The following ZBTB34 variants were observed in gnomAD, a reference collection of about 807,000 sequenced individuals.
ZBTB34 encodes zinc finger and BTB domain-containing protein 34.
A neutral mutation model predicts 33.4 loss-of-function variants in ZBTB34; 1 was observed. That is an observed-to-expected ratio of 0.03 (90% CI 0.01 to 0.14). The LOEUF (loss-of-function observed/expected upper bound fraction) is 0.14. ZBTB34 is among the 10% of genes least tolerant of loss of function. ZBTB34 has a pLI of 1.00. For missense variants in ZBTB34, 406 were observed against 657.2 expected (o/e 0.62, Z 4.18); for synonymous variants, 283 against 253.5 (o/e 1.12, Z -1.11).
intron 1 of ZBTB34, among the ~76,000 whole-genome samples, chr9:126,868,004 C>T (rs897641468): frequency 3.9e-5 from 6 of 152,264 alleles, no homozygotes; most frequent in African/African-American, 1.2e-4. Context: ...CTTTTACTAA[C>T]TCAGTGAGGG....
intron 1 of ZBTB34, among the ~76,000 whole-genome samples, chr9:126,864,296 C>T (rs747179003): frequency 5.9e-5 from 9 of 152,180 alleles, no homozygotes; most frequent in Non-Finnish European, 1.3e-4. Flanking sequence ...TAACTGCAGC[C>T]TCTTAGTGTC....
At chr9:126,870,758 C>G (rs1450809086) in intron 1 of ZBTB34, among the ~76,000 whole-genome samples, 1 of 152,150 alleles carries the variant, frequency 6.6e-6, no homozygotes, top group Non-Finnish European at 1.5e-5. Flanking sequence ...GAAACCCCGT[C>G]TCTACTAAAA....
intron 1 of ZBTB34, among the ~76,000 whole-genome samples, chr9:126,866,462 C>T (rs770794202): frequency 3.3e-4 from 51 of 152,336 alleles, no homozygotes; most frequent in African/African-American, 9.4e-4. Context: ...CTACCCCAGA[C>T]GCTGTTTGCA....
rs150377888 is a variant in ZBTB34, at chr9:126,879,142, TA to T, written c.-10-244del. Among the ~76,000 whole-genome samples, 999 of 152,330 alleles carry T rather than the reference TA, an allele frequency of 6.6e-3. 14 individuals carry two copies. The highest frequency in any genetic ancestry group is 0.023 in the African/African-American group (953 of 41,574). ...AGAGCCAAAATAGTCCTACTATGTG[TA>T]AAATATTTTACTTTTGATCAAGATG... On this transcript the variant is annotated intron_variant, in intron 1 of 1. Transcript: ENST00000319119. The surrounding 1 kb of genome is among the most constrained non-coding windows in gnomAD (Gnocchi z 6.4).
chr9:126,866,440 A>G (rs912607424), intron 1 of ZBTB34, among the ~76,000 whole-genome samples: 32 of 152,098 alleles, frequency 2.1e-4, no homozygotes, highest in African/African-American at 7.0e-4. Flanking sequence ...GGGCCACTGC[A>G]TGCTGCCTGC....
intron 1 of ZBTB34, among the ~76,000 whole-genome samples, chr9:126,861,081 A>T (rs1297904456): frequency 6.6e-6 from 1 of 151,900 alleles, no homozygotes; most frequent in Non-Finnish European, 1.5e-5. Flanking sequence ...GCGTCTCGGG[A>T]TCCCCAGCTT....
intron 1 of ZBTB34, among the ~76,000 whole-genome samples, chr9:126,861,212 G>T (rs1282830204): frequency 1.3e-5 from 2 of 152,198 alleles, no homozygotes; most frequent in African/African-American, 2.4e-5. Flanking sequence ...CGGAGCCGCT[G>T]CCTCACGCCA....
chr9:126,867,447 C>CTTTTTTTTTTTTTTTTTTTT (rs201325256), intron 1 of ZBTB34, among the ~76,000 whole-genome samples: 16 of 119,506 alleles, frequency 1.3e-4, no homozygotes, highest in South Asian at 2.8e-4. Flanking sequence ...TGTCATTTTT[C>CTTTTTTTTTTTTTTTTTTTT]TTTTTTTTTT....
chr9:126,873,126 A>G (rs368381175), intron 1 of ZBTB34, among the ~76,000 whole-genome samples: 2 of 152,332 alleles, frequency 1.3e-5, no homozygotes, highest in East Asian at 3.9e-4. Flanking sequence ...CTTGCATTCC[A>G]AAAGTCACTA....
intron 1 of ZBTB34, among the ~76,000 whole-genome samples, chr9:126,874,509 A>G (rs1304246727): frequency 1.3e-5 from 2 of 152,146 alleles, no homozygotes; most frequent in Non-Finnish European, 2.9e-5. Flanking sequence ...AAAAACCTCT[A>G]GAGGTTATTT....
intron 1 of ZBTB34, among the ~76,000 whole-genome samples, chr9:126,871,790 C>T (rs2033283262): frequency 6.6e-6 from 1 of 151,956 alleles, no homozygotes; most frequent in South Asian, 2.1e-4. Flanking sequence ...GAAGTTCTAC[C>T]ATATGCATAT....
chr9:126,884,483 AGTT>A, exon 2 of ZBTB34: 1 of 166,736 alleles, frequency 6.0e-6, no homozygotes, highest in African/African-American at 2.4e-5. Flanking sequence ...GTTTTAGTTT[AGTT>A]TTTTTTTTTA....
intron 1 of ZBTB34, among the ~76,000 whole-genome samples, chr9:126,876,941 T>C (rs955272921): frequency 2.6e-5 from 4 of 152,222 alleles, no homozygotes; most frequent in Non-Finnish European, 5.9e-5. Context: ...ACTGATCCTT[T>C]CCTGTGAGAG....
Position 126,877,730 on chromosome 9 carries a change from C to T in ZBTB34, c.-10-1660C>T, listed in dbSNP as rs565914994. Among the ~76,000 whole-genome samples, 39 of 152,302 alleles carry T rather than the reference C, an allele frequency of 2.6e-4. 1 individual carries two copies. Among genetic ancestry groups the T allele is most frequent in the African/African-American group, 8.9e-4 (37 of 41,564 alleles). On this transcript the variant is annotated intron_variant, in intron 1 of 1. Coordinates refer to ENST00000319119, the Ensembl canonical transcript of ZBTB34. ...GTTTAAAAACACTGTCTTGGCAGAG[C>T]GCGGTGGCTCACGCCTGTTATCTCA...
At position 126,865,174 on chromosome 9, in the gene ZBTB34, C is replaced by G. The variant is rs148133566; in HGVS notation, c.-11+4435C>G. On this transcript the variant is annotated intron_variant, in intron 1 of 1. Coordinates refer to ENST00000319119, the Ensembl canonical transcript of ZBTB34. ...TATGGGTTAGGTTGGAATAAGCCAC[C>G]GTGCTAGATTTTGCTGTGGGCAGAG... 5.8e-4 allele frequency among the ~76,000 whole-genome samples: 89 copies of G among 152,312 alleles called. 3 individuals are homozygous for G. In the East Asian group the frequency reaches 0.017, roughly 29 times the overall value.
intron 1 of ZBTB34, among the ~76,000 whole-genome samples, chr9:126,869,537 G>A (rs1031253305): frequency 4.6e-5 from 7 of 152,130 alleles, no homozygotes; most frequent in Non-Finnish European, 2.9e-5. Flanking sequence ...AGGCTGAGGG[G>A]TGTGGCAGCA....
intron 1 of ZBTB34, among the ~76,000 whole-genome samples, chr9:126,868,196 G>A (rs967502392): frequency 1.3e-5 from 2 of 152,150 alleles, no homozygotes; most frequent in African/African-American, 4.8e-5. Flanking sequence ...TCTCCCTTGT[G>A]TGTTGTTGCA....
intron 1 of ZBTB34, chr9:126,863,756 G>GT: frequency 1.0e-6 from 1 of 979,780 alleles, no homozygotes; most frequent in South Asian, 4.7e-5. Flanking sequence ...AGGACTTAAT[G>GT]TATTTTCCAG....
chr9:126,865,269 C>T (rs540909808), intron 1 of ZBTB34, among the ~76,000 whole-genome samples: 31 of 152,326 alleles, frequency 2.0e-4, no homozygotes, highest in African/African-American at 7.5e-4. Context: ...AGTGGCAGTC[C>T]ATGGATCTTG....
Sources: allele counts gnomAD v4.1 joint callset (sites outside exome capture counted in the v4.1 genomes callset), GRCh38; gene constraint gnomAD v4.1.1; non-coding constraint Gnocchi (gnomAD v3.1); transcripts MANE v1.5; gene names NCBI Gene and HGNC (gene_info 2026-07-23, HGNC 2026-07-21).